XKR9: variants seen among roughly 807,000 people sequenced by gnomAD.
XKR9 encodes the protein XK related 9.
XKR9 carries 32 observed loss-of-function variants against 32.0 expected under a neutral mutation model. The observed-to-expected ratio is 1.00, with a 90% CI of 0.76 to 1.34. The LOEUF is 1.34. XKR9 is among the 40% of genes most tolerant of loss of function. The pLI is 0.00. For missense variants in XKR9, 546 were observed against 429.7 expected (o/e 1.27, Z -2.39); for synonymous variants, 168 against 143.4 (o/e 1.17, Z -1.22).
chr8:71,008,256 G>C, the XKR9 span, among the ~76,000 whole-genome samples: 1 of 152,108 alleles, frequency 6.6e-6, no homozygotes, highest in African/African-American at 2.4e-5. Flanking sequence ...CCTACTTTTT[G>C]TTGCTCACCT....
At chr8:70,702,386 G>T (rs1586833609) in intron 3 of XKR9, among the ~76,000 whole-genome samples, 2 of 152,188 alleles carry the variant, frequency 1.3e-5, no homozygotes, top group East Asian at 1.9e-4. Context: ...CATTTGAAAA[G>T]AATTTTTAAC....
chr8:71,031,295 C>G, the XKR9 span, among the ~76,000 whole-genome samples: 5 of 152,010 alleles, frequency 3.3e-5, no homozygotes, highest in African/African-American at 1.2e-4. Context: ...ATAGAAAATC[C>G]ACCTACTCAA....
At chr8:70,887,106 T>G in the XKR9 span, among the ~76,000 whole-genome samples, 36 of 152,106 alleles carry the variant, frequency 2.4e-4, no homozygotes, top group Admixed American at 1.3e-4. Flanking sequence ...TGTGTAATGT[T>G]TAAGGAAGGG....
At chr8:70,719,658 C>CTGTTTTGGTACCAGTCATGT (rs1434277668) in intron 4 of XKR9, among the ~76,000 whole-genome samples, 1 of 152,114 alleles carries the variant, frequency 6.6e-6, no homozygotes. Flanking sequence ...TTCTATATAT[C>CTGTTTTGGTACCAGTCATGT]TGTTTTGGTA....
the XKR9 span, among the ~76,000 whole-genome samples, chr8:70,915,115 A>G: frequency 6.6e-6 from 1 of 152,038 alleles, no homozygotes; most frequent in Non-Finnish European, 1.5e-5. Flanking sequence ...GGCTTGCAGA[A>G]CTAGTTGAGC....
At chr8:70,671,603 G>T (rs1427390076) in intron 1 of XKR9, among the ~76,000 whole-genome samples, 3 of 80,856 alleles carry the variant, frequency 3.7e-5, no homozygotes, top group Admixed American at 2.4e-4. Context: ...TTGTTCTTGC[G>T]ATAGTTTACT....
At chr8:71,043,988 A>G in the XKR9 span, among the ~76,000 whole-genome samples, 1 of 152,192 alleles carries the variant, frequency 6.6e-6, no homozygotes, top group Non-Finnish European at 1.5e-5. Context: ...TAACTATCTG[A>G]TTCCAGGGCA....
downstream of XKR9, among the ~76,000 whole-genome samples, chr8:70,795,173 CTA>C (rs1206031312): frequency 1.3e-5 from 2 of 151,966 alleles, no homozygotes; most frequent in Non-Finnish European, 1.5e-5. Flanking sequence ...TTTTTCTCCT[CTA>C]TGTGTTCATA....
At chr8:70,768,188 G>A (rs1807404300) in intron 2 of XKR9, among the ~76,000 whole-genome samples, 1 of 152,106 alleles carries the variant, frequency 6.6e-6, no homozygotes, top group South Asian at 2.1e-4. Context: ...ACCTAGTAGT[G>A]ATTCGGGAGC....
At chr8:70,990,751 G>A in the XKR9 span, among the ~76,000 whole-genome samples, 3 of 151,972 alleles carry the variant, frequency 2.0e-5, no homozygotes, top group Non-Finnish European at 4.4e-5. Context: ...GAGAGAGAGA[G>A]AGAGAGAGAG....
chr8:70,914,069 A>AT, the XKR9 span, among the ~76,000 whole-genome samples: 1 of 152,092 alleles, frequency 6.6e-6, no homozygotes, highest in African/African-American at 2.4e-5. Flanking sequence ...ATATTTATAC[A>AT]TTTTTTGTTT....
chr8:70,773,012 A>T (rs1018312012), intron 2 of XKR9, among the ~76,000 whole-genome samples: 1 of 152,214 alleles, frequency 6.6e-6, no homozygotes, highest in African/African-American at 2.4e-5. Flanking sequence ...TTAAATTAAA[A>T]GTTTATTTAT....
rs1474328389 is a variant in XKR9 at position 70,723,546 on chromosome 8, G to GT, written c.494-10244dup. ...TGATTTTATTGCTTTCTGTTTGTTA[G>GT]TTTTTTCTTTTAACAGTCAGGCCCC... is the stretch of plus-strand genomic sequence containing the variant. On this transcript the variant is annotated intron_variant, in intron 4 of 4. Coordinates refer to ENST00000408926, the MANE Select transcript of XKR9 (RefSeq NM_001011720.2). Among the ~76,000 whole-genome samples the GT allele has an allele frequency of 2.0e-5, 3 of 152,248 alleles. 1 individual carries two copies. In the South Asian group the frequency reaches 6.2e-4, roughly 32 times the overall value.
At chr8:71,060,199 G>T in the XKR9 span, among the ~76,000 whole-genome samples, 2 of 152,184 alleles carry the variant, frequency 1.3e-5, no homozygotes, top group African/African-American at 4.8e-5. Context: ...AGTATTTGTG[G>T]ATGTTGAAGT....
At chr8:70,674,128 C>T (rs1253328695) in intron 1 of XKR9, among the ~76,000 whole-genome samples, 1 of 151,988 alleles carries the variant, frequency 6.6e-6, no homozygotes, top group East Asian at 1.9e-4. Flanking sequence ...ATGATTGTGC[C>T]ACTGCACTCC....
the XKR9 span, among the ~76,000 whole-genome samples, chr8:70,915,354 G>T: frequency 3.9e-4 from 59 of 152,178 alleles, no homozygotes; most frequent in African/African-American, 1.3e-3. Flanking sequence ...TAAGGAGGGG[G>T]TTTGTTTAGG....
At chr8:70,766,858 G>A (rs1301348845) in intron 2 of XKR9, among the ~76,000 whole-genome samples, 3 of 152,146 alleles carry the variant, frequency 2.0e-5, no homozygotes, top group African/African-American at 2.4e-5. Flanking sequence ...AGATAATCAT[G>A]TGGTTTTTGT....
At chr8:71,064,329 AATAATACCAGTAAATATGTT>A in the XKR9 span, among the ~76,000 whole-genome samples, 2 of 152,194 alleles carry the variant, frequency 1.3e-5, no homozygotes, top group African/African-American at 4.8e-5. Context: ...TATAAAAATT[AATAATACCAGTAAATATGTT>A]ATAAAGTTTT....
At chr8:70,953,469 G>A in the XKR9 span, among the ~76,000 whole-genome samples, 241 of 152,160 alleles carry the variant, frequency 1.6e-3, no homozygotes, top group African/African-American at 5.6e-3. Context: ...GCACCACCGT[G>A]CCCGGCTAAT....
Sources: allele counts gnomAD v4.1 joint callset (sites outside exome capture counted in the v4.1 genomes callset), GRCh38; gene constraint gnomAD v4.1.1; transcripts MANE v1.5; gene names NCBI Gene and HGNC (gene_info 2026-07-23, HGNC 2026-07-21).